LUC7L: variants seen among roughly 807,000 people sequenced by gnomAD.
LUC7L encodes putative RNA-binding protein Luc7-like 1.
A neutral mutation model predicts 51.1 loss-of-function variants in LUC7L; 29 were observed. The ratio of observed to expected loss-of-function variants is 0.57; its 90% confidence interval spans 0.42 to 0.77. The LOEUF (loss-of-function observed/expected upper bound fraction) is 0.77. LUC7L is among the 30% of genes least tolerant of loss of function. The pLI is 0.00. For synonymous variants in LUC7L, 181 were observed against 180.7 expected, an observed-to-expected ratio of 1.00 and a Z score of -0.01; for missense variants, 403 against 511.9, an observed-to-expected ratio of 0.79 and a Z score of 2.05.
intron 1 of LUC7L, 196 bp downstream of exon 1, chr16:229,083 G>A: frequency 2.8e-6 from 4 of 1,412,054 alleles, no homozygotes; most frequent in Non-Finnish European, 2.8e-6. Flanking sequence ...AGAGGAGCCC[G>A]ACCTGGACCC....
rs1443110872 is a variant in LUC7L at position 196,227 on chromosome 16, G to A, written c.687+2835C>T. Among the ~76,000 whole-genome samples the A allele has an allele frequency of 2.0e-5, 3 of 152,212 alleles. No individual in the cohort carries two copies. In the South Asian group the frequency reaches 6.2e-4, roughly 32 times the overall value. On this transcript the variant is annotated intron_variant, in intron 6 of 9. Transcript: ENST00000293872. The stretch of plus-strand genomic sequence containing the variant: ...GTTCGAGATCAGCCTGAGCAACACG[G>A]TGAAACCCCATCTCTACTAAAAACA...
chr16:195,599 T>C (rs1180337797), intron 6 of LUC7L, among the ~76,000 whole-genome samples: 1 of 152,174 alleles, frequency 6.6e-6, no homozygotes, highest in Non-Finnish European at 1.5e-5. Context: ...AATTTTTAAA[T>C]TTTTGGTAGA....
chr16:228,268 A>G (rs769059969), intron 1 of LUC7L: 20 of 1,301,176 alleles, frequency 1.5e-5, no homozygotes, highest in South Asian at 1.2e-4. Context: ...ACACTTTTAA[A>G]GTTACTTGTG....
At chr16:217,446 C>T (rs1214402230) in intron 3 of LUC7L, among the ~76,000 whole-genome samples, 1 of 152,124 alleles carries the variant, frequency 6.6e-6, no homozygotes, top group Non-Finnish European at 1.5e-5. Flanking sequence ...GTGGCTCACG[C>T]CTGTAATCTC....
chr16:203,255 C>T (rs1419653470), intron 5 of LUC7L, among the ~76,000 whole-genome samples: 2 of 152,192 alleles, frequency 1.3e-5, no homozygotes, highest in Non-Finnish European at 2.9e-5. Flanking sequence ...AAACAGAAAG[C>T]ATCAGGTCCA....
At chr16:216,064 C>T (rs552138209) in intron 3 of LUC7L, among the ~76,000 whole-genome samples, 202 of 152,066 alleles carry the variant, frequency 1.3e-3, no homozygotes, top group Non-Finnish European at 2.1e-3. Context: ...TGCAATGGCA[C>T]GATCTTGGCT....
rs2050097683 is a variant in LUC7L, at chr16:225,264, G to A, written c.156+1978C>T. 2.0e-5 allele frequency among the ~76,000 whole-genome samples: 3 copies of A among 151,918 alleles called. No homozygotes were observed. The South Asian group carries it at 6.3e-4, about 32-fold the overall frequency. ...GCACTTTGGGAGGCCAAGGTGGGTG[G>A]ATCACGAGGTCAGGAGCTCCAGACT... On this transcript the variant is annotated intron_variant, in intron 2 of 9. Transcript: ENST00000293872.
chr16:192,555 G>T (rs532813200), intron 7 of LUC7L, among the ~76,000 whole-genome samples: 1 of 146,934 alleles, frequency 6.8e-6, no homozygotes, highest in Non-Finnish European at 1.5e-5. Context: ...CCAGGCTAGA[G>T]TGCAGTGGCA....
chr16:218,924 C>CAAAAAAAAAAAAA (rs33981903), intron 3 of LUC7L, among the ~76,000 whole-genome samples: 3 of 38,844 alleles, frequency 7.7e-5, no homozygotes, highest in Admixed American at 4.1e-4. Context: ...AACCCTGTCT[C>CAAAAAAAAAAAAA]AAAAAAAAAA....
chr16:193,882 C>T (rs1187348829), intron 6 of LUC7L, among the ~76,000 whole-genome samples: 5 of 150,932 alleles, frequency 3.3e-5, no homozygotes, highest in Admixed American at 6.6e-5. Flanking sequence ...CGGCTCGCCG[C>T]AAGCTCCGCC....
chr16:229,310 C>A lies in LUC7L; in HGVS notation c.30G>T (p.Leu10=), dbSNP rs1232937011. MSAQAQMRA[L]LDQLMGTARD... ...GAGCCGTGCCCATGAGCTGGTCCAGCAGGGCCCGCATCTGCGCCTGGGCGG... is the reference window on the plus strand; with the variant it reads ...GAGCCGTGCCCATGAGCTGGTCCAGAAGGGCCCGCATCTGCGCCTGGGCGG... The change falls in exon 1 of 10, where the codon CTG becomes CTT. Residue 10 remains leucine (L), a synonymous_variant. Transcript: ENST00000293872. 1 of 1,532,946 alleles carries A rather than the reference C, an allele frequency of 6.5e-7. No individual in the cohort carries two copies. The highest frequency in any genetic ancestry group is 1.9e-5 in the Admixed American group (1 of 51,374). The allele number at this position is 1,532,946 out of a possible 1,614,324, so 95.0% of individuals were successfully genotyped here.
At chr16:196,285 A>G (rs980285294) in intron 6 of LUC7L, among the ~76,000 whole-genome samples, 3 of 151,898 alleles carry the variant, frequency 2.0e-5, no homozygotes, top group African/African-American at 7.2e-5. Flanking sequence ...GTGCACGCCT[A>G]TAGTACCAGC....
chr16:199,920 G>C (rs2049273578), intron 5 of LUC7L, among the ~76,000 whole-genome samples: 1 of 151,706 alleles, frequency 6.6e-6, no homozygotes, highest in Admixed American at 6.6e-5. Context: ...AACCTGGGAA[G>C]CGGAGGTTGC....
intron 6 of LUC7L, among the ~76,000 whole-genome samples, chr16:196,864 A>G (rs1158285157): frequency 1.3e-5 from 2 of 151,206 alleles, no homozygotes; most frequent in African/African-American, 4.9e-5. Context: ...ATGCATACTA[A>G]ATTGTGATTT....
chr16:208,315 A>T (rs2049544175), intron 3 of LUC7L, 127 bp from the exon 4 acceptor site: 1 of 662,742 alleles, frequency 1.5e-6, no homozygotes, highest in Non-Finnish European at 2.6e-6. Flanking sequence ...CAAGGGAAAG[A>T]TCTTAAACTA....
At chr16:197,028 C>T (rs1444936969) in intron 6 of LUC7L, among the ~76,000 whole-genome samples, 1 of 151,310 alleles carries the variant, frequency 6.6e-6, no homozygotes, top group East Asian at 1.9e-4. Flanking sequence ...CTGCCTCGGC[C>T]TCCCGAGTAG....
intron 2 of LUC7L, among the ~76,000 whole-genome samples, chr16:221,357 T>C (rs868076823): frequency 5.4e-4 from 82 of 152,196 alleles, no homozygotes; most frequent in Middle Eastern, 6.8e-3. Context: ...GTTTTATTTA[T>C]GCATCAGTCC....
chr16:206,823 A>G (rs932992253), intron 4 of LUC7L, among the ~76,000 whole-genome samples: 1 of 150,156 alleles, frequency 6.7e-6, no homozygotes, highest in Non-Finnish European at 1.5e-5. Context: ...CTTCGGGAGG[A>G]CAAGGCGGGA....
At chr16:198,321 T>TAAG (rs556054451) in intron 6 of LUC7L, among the ~76,000 whole-genome samples, 1 of 149,148 alleles carries the variant, frequency 6.7e-6, no homozygotes, top group Non-Finnish European at 1.5e-5. Context: ...TTAAATGTCT[T>TAAG]AGAGTCTTGA....
Sources: gnomAD v4.1 joint callset for allele counts (sites outside exome capture counted in the v4.1 genomes callset) on GRCh38, gnomAD v4.1.1 for gene constraint, MANE v1.5 for transcripts, NCBI Gene and HGNC (gene_info 2026-07-23, HGNC 2026-07-21) for gene names.